COL5A2: variants seen among roughly 807,000 people sequenced by gnomAD.
The protein encoded by COL5A2 is collagen alpha-2(V) chain.
In COL5A2, 23 loss-of-function variants were observed where a neutral mutation model predicts 208.2. The observed-to-expected ratio is 0.11, with a 90% CI of 0.08 to 0.16. The LOEUF (loss-of-function observed/expected upper bound fraction) is 0.16, where lower values mean the gene tolerates loss of function less well. COL5A2 is among the 10% of genes least tolerant of loss of function. The pLI, the probability that COL5A2 is intolerant of heterozygous loss-of-function variation, is 1.00. For synonymous variants in COL5A2, 625 were observed against 628.5 expected, an observed-to-expected ratio of 0.99 and a Z score of 0.08; for missense variants, 1,590 against 1,956.4, an observed-to-expected ratio of 0.81 and a Z score of 3.53.
chr2:189,344,997 G>A, the COL5A2 span, among the ~76,000 whole-genome samples: 4 of 152,214 alleles, frequency 2.6e-5, no homozygotes, highest in South Asian at 2.1e-4. Context: ...AATTTTCTAA[G>A]AGGAGTATTG....
chr2:189,125,166 T>C (rs1399147387), intron 1 of COL5A2, among the ~76,000 whole-genome samples: 1 of 152,176 alleles, frequency 6.6e-6, no homozygotes, highest in African/African-American at 2.4e-5. Context: ...CAAGATGTGC[T>C]AGATACAAAA....
intron 44 of COL5A2, among the ~76,000 whole-genome samples, chr2:189,048,899 T>A (rs1024490240): frequency 6.6e-6 from 1 of 152,172 alleles, no homozygotes; most frequent in South Asian, 2.1e-4. Flanking sequence ...GAACATGATA[T>A]CCATTATGTT....
the COL5A2 span, among the ~76,000 whole-genome samples, chr2:189,279,029 A>C: frequency 6.6e-6 from 1 of 151,950 alleles, no homozygotes; most frequent in Non-Finnish European, 1.5e-5. Context: ...CTCTTCCTCT[A>C]TAATGTGTTA....
intron 1 of COL5A2, among the ~76,000 whole-genome samples, chr2:189,221,964 T>C (rs763027543): frequency 1.5e-4 from 23 of 152,062 alleles, no homozygotes; most frequent in Non-Finnish European, 3.1e-4. Flanking sequence ...GAAATATGAA[T>C]GTGTACATAA....
chr2:189,318,191 G>A, the COL5A2 span, among the ~76,000 whole-genome samples: 1 of 152,136 alleles, frequency 6.6e-6, no homozygotes, highest in Non-Finnish European at 1.5e-5. Context: ...ACTTCAAACT[G>A]CATTGATCTT....
chr2:189,198,912 A>C (rs904069517), intron 1 of COL5A2, among the ~76,000 whole-genome samples: 1 of 152,182 alleles, frequency 6.6e-6, no homozygotes, highest in African/African-American at 2.4e-5. Context: ...TTTTATTTTC[A>C]GACTAATTCT....
Position 189,052,234 on chromosome 2 carries a change from A to G in COL5A2, c.2716-9T>C, listed in dbSNP as rs770957124. ...GGAAATCCTGTAGCACCCTAGAACC[A>G]GAATATCATATAAGCAATTTTTAAG... On this transcript the variant is annotated splice_polypyrimidine_tract_variant and intron_variant, in intron 40 of 53. Coordinates refer to ENST00000374866, the MANE Select transcript of COL5A2 (RefSeq NM_000393.5). 6.2e-7 allele frequency: 1 copy of G among 1,613,418 alleles called. No homozygotes were observed. Among genetic ancestry groups the G allele is most frequent in the Non-Finnish European group, 8.5e-7 (1 of 1,179,474 alleles).
At chr2:189,064,921 C>G (rs1686114629) in intron 24 of COL5A2, 83 bp downstream of exon 24, 2 of 1,309,390 alleles carry the variant, frequency 1.5e-6, no homozygotes, top group East Asian at 4.8e-5. Context: ...CCCATGCAGG[C>G]CATAGCTAGA....
At chr2:189,321,507 G>T in the COL5A2 span, among the ~76,000 whole-genome samples, 3 of 152,250 alleles carry the variant, frequency 2.0e-5, no homozygotes, top group Admixed American at 2.0e-4. Context: ...AATGGCAGGG[G>T]TTGCAATCCT....
At chr2:189,424,031 CA>C in the COL5A2 span, among the ~76,000 whole-genome samples, 1 of 152,022 alleles carries the variant, frequency 6.6e-6, no homozygotes, top group African/African-American at 2.4e-5. Context: ...CCCAGAAATG[CA>C]AGGATGATTC....
At chr2:189,289,599 T>C in the COL5A2 span, among the ~76,000 whole-genome samples, 1 of 152,218 alleles carries the variant, frequency 6.6e-6, no homozygotes, top group African/African-American at 2.4e-5. Context: ...AAATCATTCC[T>C]GTTTGCAGAA....
the COL5A2 span, among the ~76,000 whole-genome samples, chr2:189,274,773 TA>T: frequency 6.6e-6 from 1 of 152,154 alleles, no homozygotes; most frequent in Non-Finnish European, 1.5e-5. Context: ...TGAATAATGA[TA>T]TATTTTTATC....
At chr2:189,038,797 C>T (rs1318185238) in intron 51 of COL5A2, among the ~76,000 whole-genome samples, 2 of 152,178 alleles carry the variant, frequency 1.3e-5, no homozygotes, top group Non-Finnish European at 2.9e-5. Flanking sequence ...TCATGCCACT[C>T]TCCTGCCTCA....
the COL5A2 span, among the ~76,000 whole-genome samples, chr2:189,299,676 G>T: frequency 6.6e-6 from 1 of 152,154 alleles, no homozygotes; most frequent in East Asian, 1.9e-4. Flanking sequence ...TTCCTGGGCT[G>T]ATGTTTAATG....
At chr2:189,401,178 TG>T in the COL5A2 span, among the ~76,000 whole-genome samples, 3 of 152,180 alleles carry the variant, frequency 2.0e-5, no homozygotes, top group African/African-American at 7.2e-5. Context: ...CCAGCATCCA[TG>T]AACTATTCTT....
the COL5A2 span, among the ~76,000 whole-genome samples, chr2:189,292,768 G>A: frequency 6.6e-6 from 1 of 152,126 alleles, no homozygotes; most frequent in Non-Finnish European, 1.5e-5. Context: ...ATACCCAAAG[G>A]AATATAAATC....
intron 1 of COL5A2, among the ~76,000 whole-genome samples, chr2:189,197,224 T>C (rs1689013833): frequency 6.6e-6 from 1 of 151,500 alleles, no homozygotes; most frequent in African/African-American, 2.4e-5. Flanking sequence ...TAAGTGGGAG[T>C]TGAACAATGA....
the COL5A2 span, among the ~76,000 whole-genome samples, chr2:189,398,771 A>G: frequency 6.6e-6 from 1 of 152,082 alleles, no homozygotes; most frequent in South Asian, 2.1e-4. Flanking sequence ...GATTGATCTG[A>G]GTTAAATCAT....
Position 189,034,023 on chromosome 2 carries a change from G to A in COL5A2, c.*47C>T, listed in dbSNP as rs759427532. 9 of 1,612,244 alleles carry A rather than the reference G, an allele frequency of 5.6e-6. No individual in the cohort carries two copies. Among genetic ancestry groups the A allele is most frequent in the South Asian group, 3.3e-5 (3 of 91,056 alleles). On this transcript the variant is annotated 3_prime_UTR_variant, in exon 54 of 54. Transcript: ENST00000374866. ...AACAGTCAAAGTTCTTGTGAATGGC[G>A]GTGGTCATTGATGGTGGTGCTCATT...
Sources: allele counts gnomAD v4.1 joint callset (sites outside exome capture counted in the v4.1 genomes callset), GRCh38; gene constraint gnomAD v4.1.1; transcripts MANE v1.5; gene names NCBI Gene and HGNC (gene_info 2026-07-23, HGNC 2026-07-21).